SBF2: variants seen among roughly 807,000 people sequenced by gnomAD.
SBF2 encodes myotubularin-related protein 13.
SBF2 carries 112 observed loss-of-function variants against 225.2 expected under a neutral mutation model. The ratio of observed to expected loss-of-function variants is 0.50; its 90% CI spans 0.43 to 0.58. The LOEUF is 0.58. Ranked by LOEUF, SBF2 falls within the 20% of genes least tolerant of loss-of-function variation. The pLI is 0.00. For missense variants in SBF2, 1,996 were observed against 2,206.2 expected, an observed-to-expected ratio of 0.90 and a Z score of 1.91; for synonymous variants, 763 against 773.3, an observed-to-expected ratio of 0.99 and a Z score of 0.22.
rs1457876582 is a variant in SBF2 at position 10,005,967 on chromosome 11, C to A, written c.620-3278G>T. Among the ~76,000 whole-genome samples, 5 of 152,074 alleles carry A rather than the reference C, an allele frequency of 3.3e-5. No individual in the cohort carries two copies. The South Asian group carries it at 1.0e-3, about 32-fold the overall frequency. ...CCTTGGAGTCCTTCCCAGGTAAGAT[C>A]ATTGACCTGAGACACAATGGCTCTC... On this transcript the variant is annotated intron_variant, in intron 6 of 39. Coordinates refer to ENST00000256190, the MANE Select transcript of SBF2 (RefSeq NM_030962.4).
chr11:9,909,346 G>A (rs6483809), intron 16 of SBF2, among the ~76,000 whole-genome samples: 77,456 of 150,600 alleles, frequency 0.51, 20,544 homozygotes, highest in African/African-American at 0.61. Context: ...ACCTTAGAAG[G>A]AAGGTAAAAA....
chr11:9,989,178 T>C (rs1947317396), intron 13 of SBF2, among the ~76,000 whole-genome samples: 1 of 152,026 alleles, frequency 6.6e-6, no homozygotes, highest in Non-Finnish European at 1.5e-5. Flanking sequence ...TTATTCTAAG[T>C]GATGTAACTC....
intron 1 of SBF2, among the ~76,000 whole-genome samples, chr11:10,230,105 A>T (rs1361769292): frequency 6.6e-6 from 1 of 152,026 alleles, no homozygotes; most frequent in African/African-American, 2.4e-5. Flanking sequence ...GTTGGTTTAA[A>T]GTCTGTTTTA....
intron 16 of SBF2, among the ~76,000 whole-genome samples, chr11:9,938,081 G>T (rs1865009556): frequency 6.6e-6 from 1 of 152,026 alleles, no homozygotes; most frequent in Non-Finnish European, 1.5e-5. Flanking sequence ...CACGCGGTCA[G>T]GAGATCGAGA....
At chr11:9,967,973 A>C (rs10840336) in intron 14 of SBF2, among the ~76,000 whole-genome samples, 35,662 of 93,500 alleles carry the variant, frequency 0.38, 5,052 homozygotes, top group African/African-American at 0.43. Context: ...CTCTCTCTCT[A>C]TATATATATA....
chr11:10,178,138 A>G (rs1397298493), intron 2 of SBF2, among the ~76,000 whole-genome samples: 1 of 147,272 alleles, frequency 6.8e-6, no homozygotes, highest in Non-Finnish European at 1.5e-5. Context: ...CTGGCTAGCC[A>G]TATGTAGAAA....
At chr11:9,809,048 G>C in intron 30 of SBF2, 46 bp from the exon 31 acceptor site, 1 of 1,462,040 alleles carries the variant, frequency 6.8e-7, no homozygotes, top group Non-Finnish European at 9.6e-7. Context: ...CGCTTTCTGA[G>C]TGCAGAAGTC....
At chr11:10,230,156 C>T (rs183382189) in intron 1 of SBF2, among the ~76,000 whole-genome samples, 98 of 151,602 alleles carry the variant, frequency 6.5e-4, no homozygotes, top group Non-Finnish European at 1.2e-3. Context: ...TTTTGTTTTC[C>T]GTTTGCTTGG....
In SBF2 at chr11:10,075,391, C is replaced by T. The variant is rs141322975; in HGVS notation, c.142-32410G>A. 6.0e-3 allele frequency among the ~76,000 whole-genome samples: 909 copies of T among 152,318 alleles called. 16 individuals carry two copies. Among genetic ancestry groups the T allele is most frequent in the African/African-American group, 0.021 (872 of 41,566 alleles). On this transcript the variant is annotated intron_variant, in intron 2 of 39. Coordinates refer to ENST00000256190, the MANE Select transcript of SBF2 (RefSeq NM_030962.4). ...CAAGTAATGAGTAACATCTTCACTACTACTGCTATTGCTATGTAAGAGAAT... is the reference window on the plus strand; with the variant it reads ...CAAGTAATGAGTAACATCTTCACTATTACTGCTATTGCTATGTAAGAGAAT...
chr11:9,847,122 T>C (rs1173845827), intron 22 of SBF2, 39 bp from the exon 23 acceptor site: 5 of 1,612,750 alleles, frequency 3.1e-6, no homozygotes, highest in South Asian at 2.2e-5. Context: ...AACAACACTT[T>C]ATAGCTCACT....
intron 2 of SBF2, among the ~76,000 whole-genome samples, chr11:10,173,265 G>C (rs1172910901): frequency 1.3e-5 from 2 of 152,216 alleles, no homozygotes; most frequent in Non-Finnish European, 2.9e-5. Context: ...CATCTCACTA[G>C]GGAGTGCCAG....
chr11:10,066,419 G>A (rs768482286), intron 2 of SBF2, among the ~76,000 whole-genome samples: 4 of 151,478 alleles, frequency 2.6e-5, no homozygotes, highest in African/African-American at 7.3e-5. Context: ...ATGACCAAGC[G>A]GGGTTTAACA....
At chr11:10,081,067 A>C (rs983154283) in intron 2 of SBF2, among the ~76,000 whole-genome samples, 1 of 152,316 alleles carries the variant, frequency 6.6e-6, no homozygotes, top group Non-Finnish European at 1.5e-5. Context: ...ACAGAAAATT[A>C]AAGTGGACTT....
intron 1 of SBF2, among the ~76,000 whole-genome samples, chr11:10,257,092 A>G (rs973930309): frequency 6.6e-6 from 1 of 152,198 alleles, no homozygotes; most frequent in Non-Finnish European, 1.5e-5. Context: ...TAGCAAACTC[A>G]GGCCCAGAAA....
intron 2 of SBF2, among the ~76,000 whole-genome samples, chr11:10,172,676 T>C (rs1346572546): frequency 6.6e-6 from 1 of 151,214 alleles, no homozygotes; most frequent in East Asian, 1.9e-4. Flanking sequence ...ATTTCTTTTC[T>C]TTTTTTTTGA....
chr11:9,935,928 A>T (rs1440263569), intron 16 of SBF2, among the ~76,000 whole-genome samples: 1 of 152,242 alleles, frequency 6.6e-6, no homozygotes, highest in African/African-American at 2.4e-5. Context: ...CACCAAAAGC[A>T]ATGGCAACAA....
chr11:9,902,815 AG>A (rs1861822478), intron 16 of SBF2, among the ~76,000 whole-genome samples: 1 of 152,204 alleles, frequency 6.6e-6, no homozygotes, highest in Non-Finnish European at 1.5e-5. Flanking sequence ...AGACTTTCTA[AG>A]GGAGTGGATT....
chr11:10,277,162 G>A (rs2920153), intron 1 of SBF2, among the ~76,000 whole-genome samples: 2,854 of 143,226 alleles, frequency 0.02, 96 homozygotes, highest in African/African-American at 0.061. Flanking sequence ...AAAAAGGCCT[G>A]TAATCTCAGC....
chr11:10,227,722 T>C (rs1262142043), intron 1 of SBF2, among the ~76,000 whole-genome samples: 1 of 152,246 alleles, frequency 6.6e-6, no homozygotes, highest in Admixed American at 6.5e-5. Context: ...TTGGTTACTG[T>C]AGCCTTGTAT....
Sources: allele counts gnomAD v4.1 joint callset (sites outside exome capture counted in the v4.1 genomes callset), GRCh38; gene constraint gnomAD v4.1.1; transcripts MANE v1.5; gene names NCBI Gene and HGNC (gene_info 2026-07-23, HGNC 2026-07-21).